Variants in EDA observed in about 807,000 individuals in gnomAD.
EDA encodes ectodysplasin-A.
EDA carries 2 observed loss-of-function variants against 23.6 expected under a neutral mutation model. That is an observed-to-expected ratio of 0.08 (90% CI 0.03 to 0.27). The LOEUF is 0.27. EDA is among the 10% of genes least tolerant of loss of function. The pLI is 1.00. For missense variants in EDA, 229 were observed against 324.2 expected, an observed-to-expected ratio of 0.71 and a Z score of 2.26; for synonymous variants, 131 against 132.0, an observed-to-expected ratio of 0.99 and a Z score of 0.05.
In EDA at chrX:69,908,570, T is replaced by C. The variant is rs529359910; in HGVS notation, c.397-48457T>C. On this transcript the variant is annotated intron_variant, in intron 1 of 7. Transcript: ENST00000374552. The stretch of plus-strand genomic sequence containing the variant: ...TTGTCTGGTATCAACCAAGGCAAGG[T>C]ACCATACTTCAGGAATCACTGGAAA... 2.7e-5 allele frequency among the ~76,000 whole-genome samples: 3 copies of C among 110,264 alleles called. 1 individual carries two copies. The South Asian group carries it at 1.2e-3, about 43-fold the overall frequency.
intron 1 of EDA, among the ~76,000 whole-genome samples, chrX:69,881,085 C>T (rs756133825): frequency 1.2e-4 from 13 of 111,993 alleles, no homozygotes; most frequent in African/African-American, 4.2e-4. Context: ...CATCCTGACA[C>T]CTCATACCCC....
At chrX:69,912,030 A>G (rs1240996330) in intron 1 of EDA, among the ~76,000 whole-genome samples, 1 of 112,696 alleles carries the variant, frequency 8.9e-6, no homozygotes, top group Non-Finnish European at 1.9e-5. Flanking sequence ...ATTGTGTTAA[A>G]TCCTCTCATT....
intron 1 of EDA, among the ~76,000 whole-genome samples, chrX:69,893,897 T>C (rs1056775275): frequency 3.6e-5 from 4 of 111,997 alleles, no homozygotes; most frequent in African/African-American, 1.3e-4. Flanking sequence ...AACAAAGGAG[T>C]TGGACCAAGA....
intron 2 of EDA, among the ~76,000 whole-genome samples, chrX:69,992,158 A>G (rs1190164667): frequency 9.0e-6 from 1 of 111,644 alleles, no homozygotes; most frequent in African/African-American, 3.3e-5. Flanking sequence ...AGGACTCGCT[A>G]GCACTGGGAT....
At chrX:69,711,863 G>A (rs1182264937) in intron 1 of EDA, among the ~76,000 whole-genome samples, 15 of 110,909 alleles carry the variant, frequency 1.4e-4, no homozygotes, top group Non-Finnish European at 2.6e-4. Context: ...TTTTTATTGC[G>A]TCTATTTGAT....
chrX:69,951,295 C>T (rs1350396218), intron 1 of EDA, among the ~76,000 whole-genome samples: 2 of 111,304 alleles, frequency 1.8e-5, no homozygotes, highest in Non-Finnish European at 3.8e-5. Context: ...AACAAGATGC[C>T]ATCTTGGAAG....
At chrX:69,938,132 C>T in intron 1 of EDA, 1 of 694,352 alleles carries the variant, frequency 1.4e-6, no homozygotes, top group Non-Finnish European at 2.1e-6. Flanking sequence ...TGAGCTCTCA[C>T]TCCTCCTCCT....
intron 1 of EDA, among the ~76,000 whole-genome samples, chrX:69,825,272 G>A (rs1475037163): frequency 2.1e-5 from 2 of 97,008 alleles, no homozygotes; most frequent in East Asian, 3.3e-4. Flanking sequence ...CAGAAGGAAT[G>A]GTACCAGTTC....
intron 1 of EDA, among the ~76,000 whole-genome samples, chrX:69,811,724 A>G (rs1465215930): frequency 8.9e-6 from 1 of 112,387 alleles, no homozygotes; most frequent in Non-Finnish European, 1.9e-5. Flanking sequence ...AAGGTTTATT[A>G]CAGACATAAT....
chrX:69,770,806 G>A (rs1259436373), intron 1 of EDA, among the ~76,000 whole-genome samples: 1 of 101,498 alleles, frequency 9.9e-6, no homozygotes, highest in South Asian at 4.4e-4. Context: ...CCTAGTCTTA[G>A]ATTCTATTTG....
intron 1 of EDA, among the ~76,000 whole-genome samples, chrX:69,928,661 T>C (rs1206853806): frequency 2.7e-5 from 3 of 112,012 alleles, no homozygotes; most frequent in African/African-American, 9.7e-5. Flanking sequence ...ACTTTTCTCA[T>C]AATGCAAACT....
intron 1 of EDA, among the ~76,000 whole-genome samples, chrX:69,752,963 C>CTCTTT (rs2013946640): frequency 9.0e-6 from 1 of 111,556 alleles, no homozygotes. Context: ...TGATTCTTCT[C>CTCTTT]TCTTTTCTTC....
At chrX:69,955,128 G>C (rs2018981089) in intron 1 of EDA, among the ~76,000 whole-genome samples, 1 of 111,920 alleles carries the variant, frequency 8.9e-6, no homozygotes, top group African/African-American at 3.2e-5. Flanking sequence ...CAGCAGTTTA[G>C]TTTTATACTA....
chrX:69,927,763 C>T (rs2018543879), intron 1 of EDA, among the ~76,000 whole-genome samples: 1 of 109,771 alleles, frequency 9.1e-6, no homozygotes, highest in Admixed American at 9.8e-5. Flanking sequence ...TTTTTGATTG[C>T]CTTTTAACAC....
At chrX:69,804,176 C>T (rs1177245482) in intron 1 of EDA, among the ~76,000 whole-genome samples, 5 of 110,818 alleles carry the variant, frequency 4.5e-5, no homozygotes, top group Middle Eastern at 4.6e-3. Context: ...GATCAATTCC[C>T]GGTAGTGAGA....
chrX:69,987,224 T>A (rs2019507717), intron 2 of EDA, among the ~76,000 whole-genome samples: 1 of 98,366 alleles, frequency 1.0e-5, no homozygotes, highest in South Asian at 5.0e-4. Context: ...TGTATACATA[T>A]GTAACTAACC....
chrX:69,974,125 T>C (rs2019285571), intron 2 of EDA, among the ~76,000 whole-genome samples: 1 of 109,318 alleles, frequency 9.1e-6, no homozygotes, highest in South Asian at 3.9e-4. Context: ...AAAGATTACT[T>C]GAAAAAAAAA....
intron 1 of EDA, among the ~76,000 whole-genome samples, chrX:69,701,803 C>A (rs1390257844): frequency 9.0e-6 from 1 of 111,081 alleles, no homozygotes; most frequent in Non-Finnish European, 1.9e-5. Context: ...CTTTTTGAGT[C>A]CTGCAAGGAG....
intron 1 of EDA, among the ~76,000 whole-genome samples, chrX:69,941,631 C>A (rs2018758927): frequency 1.8e-5 from 2 of 110,753 alleles, no homozygotes; most frequent in Admixed American, 1.9e-4. Context: ...CATGGAATAT[C>A]TTTTCCCATC....
Sources: gnomAD v4.1 joint callset for allele counts (sites outside exome capture counted in the v4.1 genomes callset) on GRCh38, gnomAD v4.1.1 for gene constraint, MANE v1.5 for transcripts, NCBI Gene and HGNC (gene_info 2026-07-23, HGNC 2026-07-21) for gene names.